Variants in ZNF626 observed in about 807,000 individuals in gnomAD.
ZNF626 encodes zinc finger protein 626, also known as CTC-513N18.7.
A neutral mutation model predicts 11.7 loss-of-function variants in ZNF626; 4 were observed. The observed-to-expected ratio is 0.34, with a 90% CI of 0.17 to 0.78. The LOEUF (loss-of-function observed/expected upper bound fraction) is 0.78, where lower values mean the gene tolerates loss of function less well. ZNF626 is among the 30% of genes least tolerant of loss of function. ZNF626 has a pLI of 0.57. For missense variants in ZNF626, 588 were observed against 587.1 expected (o/e 1.00, Z -0.01); for synonymous variants, 179 against 198.6 (o/e 0.90, Z 0.83).
intron 3 of ZNF626, chr19:20,645,250 A>C (rs1475648916): frequency 1.5e-6 from 2 of 1,370,878 alleles, no homozygotes; most frequent in African/African-American, 1.5e-5. Flanking sequence ...AAAAATGAAC[A>C]AAAAAAAATT....
At position 20,620,063 on chromosome 19, in the gene ZNF626, TC is replaced by T. The variant is rs1348826584; in HGVS notation, c.*4226del. 1 of 152,220 alleles carries T rather than the reference TC, an allele frequency of 6.6e-6. No individual in the cohort carries two copies. The highest frequency in any genetic ancestry group is 1.5e-5 in the Non-Finnish European group (1 of 68,036). The allele number at this position is 152,220 out of a possible 1,614,324, so 9.4% of individuals were successfully genotyped here. A position where few individuals can be genotyped will look rare whatever the true frequency, so the allele number is the denominator to read the frequency against. ...ACACACATAGAACAATAAAAATGTA[TC>T]CAATTATTCAATTTTGGTTAAATTT... On this transcript the variant is annotated 3_prime_UTR_variant, in exon 4 of 4. Coordinates refer to ENST00000601440, the MANE Select transcript of ZNF626 (RefSeq NM_001076675.3).
intron 3 of ZNF626, among the ~76,000 whole-genome samples, chr19:20,627,824 A>C (rs1414970869): frequency 2.0e-5 from 3 of 152,166 alleles, no homozygotes; most frequent in Non-Finnish European, 2.9e-5. Flanking sequence ...ACATGTGCAC[A>C]ACGTGCAGGT....
intron 3 of ZNF626, among the ~76,000 whole-genome samples, chr19:20,626,444 C>T (rs984114975): frequency 1.3e-5 from 2 of 152,154 alleles, no homozygotes; most frequent in African/African-American, 4.8e-5. Context: ...ACAGGTCAAG[C>T]TTAGTGGCTC....
In ZNF626 at chr19:20,661,562, A is replaced by G; in HGVS notation, c.-116T>C. On this transcript the variant is annotated 5_prime_UTR_variant, in exon 1 of 4. Transcript: ENST00000601440. Reference sequence around the variant, plus strand: ...GAACCAGACCTGGAGCTCTGACTGCAGCGAGAGACAAAGGCCGCACCAAAC... The same window carrying G: ...GAACCAGACCTGGAGCTCTGACTGCGGCGAGAGACAAAGGCCGCACCAAAC... The G allele has an allele frequency of 8.1e-7, 1 of 1,233,082 alleles. No individual in the cohort carries two copies. Among genetic ancestry groups the G allele is most frequent in the Non-Finnish European group, 1.2e-6 (1 of 866,540 alleles). The allele number at this position is 1,233,082 out of a possible 1,614,324, so 76.4% of individuals were successfully genotyped here. A position where few individuals can be genotyped will look rare whatever the true frequency, so the allele number is the denominator to read the frequency against.
chr19:20,637,200 A>T (rs1286888690), intron 3 of ZNF626, among the ~76,000 whole-genome samples: 3 of 152,114 alleles, frequency 2.0e-5, no homozygotes, highest in African/African-American at 7.2e-5. Context: ...GTAAATGTGC[A>T]TAAATCGGCT....
chr19:20,660,613 C>T (rs1386792096), intron 1 of ZNF626, among the ~76,000 whole-genome samples: 1 of 151,986 alleles, frequency 6.6e-6, no homozygotes, highest in Non-Finnish European at 1.5e-5. Context: ...TTAGTAGAGA[C>T]GGGTTTCACC....
chr19:20,646,672 A>G (rs868907409), intron 1 of ZNF626, among the ~76,000 whole-genome samples: 5 of 152,236 alleles, frequency 3.3e-5, no homozygotes, highest in African/African-American at 1.2e-4. Context: ...AGGAACATGT[A>G]AATTTTTCAG....
intron 3 of ZNF626, among the ~76,000 whole-genome samples, chr19:20,634,374 C>G (rs1036091819): frequency 6.6e-6 from 1 of 152,138 alleles, no homozygotes; most frequent in East Asian, 1.9e-4. Context: ...TTACCTCATA[C>G]AACTTTCTTC....
intron 3 of ZNF626, among the ~76,000 whole-genome samples, chr19:20,636,824 C>A (rs1333933860): frequency 6.6e-6 from 1 of 152,032 alleles, no homozygotes; most frequent in East Asian, 1.9e-4. Flanking sequence ...AGTCCAAGAC[C>A]AGCCTGAATA....
Position 20,625,067 on chromosome 19 carries a change from T to G in ZNF626, c.810A>C (p.Ser270=). 6.2e-7 allele frequency: 1 copy of G among 1,613,078 alleles called. No homozygotes were observed. The highest frequency in any genetic ancestry group is 8.5e-7 in the Non-Finnish European group (1 of 1,179,728). The change falls in exon 4 of 4, where the codon TCA becomes TCC. Residue 270 remains serine, a synonymous_variant. Transcript: ENST00000601440. ...GAATTATCTCATGTTTACTAAGGGT[T>G]GAGGATGACATAAAGGCTTTGCCAC... is the stretch of plus-strand genomic sequence containing the variant. The part of the protein sequence containing the change: ...DKCGKAFMSS[S]TLSKHEIIHT...
chr19:20,661,067 G>C (rs1970261964), intron 1 of ZNF626, among the ~76,000 whole-genome samples: 1 of 152,206 alleles, frequency 6.6e-6, no homozygotes. Flanking sequence ...TAGGAGAAAA[G>C]AGAAACTGTA....
At chr19:20,630,029 GAGA>G (rs1205070027) in intron 3 of ZNF626, among the ~76,000 whole-genome samples, 2 of 152,160 alleles carry the variant, frequency 1.3e-5, no homozygotes, top group Admixed American at 6.5e-5. Context: ...TGTATCTATT[GAGA>G]TAATCATGTG....
intron 3 of ZNF626, among the ~76,000 whole-genome samples, chr19:20,642,527 C>T (rs543829602): frequency 1.3e-5 from 2 of 151,980 alleles, no homozygotes; most frequent in African/African-American, 2.4e-5. Context: ...ACTTGGAAGG[C>T]GGAGGTTGCA....
intron 1 of ZNF626, among the ~76,000 whole-genome samples, chr19:20,647,611 C>T (rs1046679278): frequency 5.3e-5 from 8 of 151,424 alleles, no homozygotes; most frequent in Non-Finnish European, 8.8e-5. Flanking sequence ...CTCAGCCTCC[C>T]GAGTAGCTGG....
intron 3 of ZNF626, among the ~76,000 whole-genome samples, chr19:20,627,599 T>C (rs1555769913): frequency 6.6e-6 from 1 of 151,976 alleles, no homozygotes; most frequent in African/African-American, 2.4e-5. Context: ...CAGAAAACCA[T>C]TTAAATATAT....
intron 1 of ZNF626, among the ~76,000 whole-genome samples, chr19:20,651,784 C>A (rs182359612): frequency 6.6e-6 from 1 of 152,168 alleles, no homozygotes; most frequent in Non-Finnish European, 1.5e-5. Flanking sequence ...AGCTACAGAA[C>A]CTGGATCACC....
chr19:20,649,257 T>TA (rs1555772286), intron 1 of ZNF626, among the ~76,000 whole-genome samples: 1 of 152,040 alleles, frequency 6.6e-6, no homozygotes, highest in South Asian at 2.1e-4. Context: ...GGCAGAAAAA[T>TA]AAAGACAGAA....
chr19:20,652,345 T>C (rs1970156258), intron 1 of ZNF626, among the ~76,000 whole-genome samples: 1 of 151,452 alleles, frequency 6.6e-6, no homozygotes, highest in Non-Finnish European at 1.5e-5. Context: ...GTAGACAGTT[T>C]ATTTGGGTAA....
chr19:20,622,298 A>G lies in ZNF626; in HGVS notation c.*1992T>C, dbSNP rs1296410120. On this transcript the variant is annotated 3_prime_UTR_variant, in exon 4 of 4. Coordinates refer to ENST00000601440, the MANE Select transcript of ZNF626 (RefSeq NM_001076675.3). ...ACGTAACAGTAAAATTAGTAAAATA[A>G]TTGATATACTTTAATTTATAATTTC... is the stretch of plus-strand genomic sequence containing the variant. The G allele has an allele frequency of 6.6e-6, 1 of 152,244 alleles. No individual in the cohort carries two copies. The highest frequency in any genetic ancestry group is 1.5e-5 in the Non-Finnish European group (1 of 68,050). 9.4% of individuals were successfully genotyped at this position (152,244 alleles called of 1,614,324 possible). A position where few individuals can be genotyped will look rare whatever the true frequency, so the allele number is the denominator to read the frequency against.
Sources: gnomAD v4.1 joint callset for allele counts (sites outside exome capture counted in the v4.1 genomes callset) on GRCh38, gnomAD v4.1.1 for gene constraint, MANE v1.5 for transcripts, NCBI Gene and HGNC (gene_info 2026-07-23, HGNC 2026-07-21) for gene names.